The following CTPS2 variants were observed in gnomAD, a reference collection of about 807,000 sequenced individuals.
CTPS2 encodes the protein CTP synthase II.
CTPS2 carries 19 observed loss-of-function variants against 46.8 expected under a neutral mutation model. That is an observed-to-expected ratio of 0.41 (90% CI 0.28 to 0.60). CTPS2 has a LOEUF of 0.60. Ranked by LOEUF, CTPS2 falls within the 20% of genes least tolerant of loss-of-function variation. The pLI, the probability that CTPS2 is intolerant of heterozygous loss-of-function variation, is 0.35. For missense variants in CTPS2, 286 were observed against 447.6 expected (o/e 0.64, Z 3.26); for synonymous variants, 151 against 165.2 (o/e 0.91, Z 0.66).
intron 14 of CTPS2, among the ~76,000 whole-genome samples, chrX:16,621,146 C>T (rs1930805465): frequency 9.1e-6 from 1 of 109,964 alleles, no homozygotes; most frequent in Non-Finnish European, 1.9e-5. Flanking sequence ...GGCACTGCAG[C>T]TAAGCACAGC....
intron 13 of CTPS2, among the ~76,000 whole-genome samples, chrX:16,649,302 T>C (rs1035966118): frequency 8.9e-6 from 1 of 112,313 alleles, no homozygotes. Flanking sequence ...TACTCAATAT[T>C]GATTTGCCAA....
At chrX:16,671,187 T>C (rs1273302467) in intron 10 of CTPS2, among the ~76,000 whole-genome samples, 1 of 111,819 alleles carries the variant, frequency 8.9e-6, no homozygotes, top group Non-Finnish European at 1.9e-5. Context: ...AGGAGGATCA[T>C]GCTAACCTCA....
chrX:16,711,853 G>A (rs977996053), intron 1 of CTPS2: 3 of 111,160 alleles, frequency 2.7e-5, no homozygotes, highest in Non-Finnish European at 5.7e-5. Flanking sequence ...AAAACGCGGG[G>A]GTCGTTGTTT....
intron 9 of CTPS2, among the ~76,000 whole-genome samples, 199 bp downstream of exon 9, chrX:16,682,895 G>A (rs1203779832): frequency 8.9e-6 from 1 of 111,978 alleles, no homozygotes; most frequent in Non-Finnish European, 1.9e-5. Flanking sequence ...ACTTTTCCTT[G>A]GCTGATTTTG....
intron 2 of CTPS2, among the ~76,000 whole-genome samples, chrX:16,699,787 A>G (rs1924409263): frequency 8.9e-6 from 1 of 112,592 alleles, no homozygotes; most frequent in African/African-American, 3.2e-5. Context: ...GTCCACAGGA[A>G]AAAAGGTTGA....
At position 16,667,601 on chromosome X, in the gene CTPS2, A is replaced by T. The variant is rs759164852; in HGVS notation, c.1253-44T>A. On this transcript the variant is annotated intron_variant, in intron 12 of 18. Transcript: ENST00000359276. The stretch of plus-strand genomic sequence containing the variant: ...GTTCAGTAATTCACCAATAGTGCTG[A>T]AAAATATTTGAAGAGAGAAAATTTT... 5.8e-6 allele frequency: 7 copies of T among 1,203,365 alleles called. No homozygotes were observed. In the East Asian group the frequency reaches 2.1e-4, roughly 36 times the overall value.
In CTPS2 at chrX:16,693,440, C is replaced by T. The variant is rs776899092; in HGVS notation, c.486G>A (p.Ala162=). Residue 162 remains alanine, a synonymous_variant, in exon 5 of 19, where the codon GCG becomes GCA. Coordinates refer to ENST00000359276, the MANE Select transcript of CTPS2 (RefSeq NM_175859.3). ...GDIEGMPFVE[A]FRQFQFKAKR... is the part of the protein sequence containing the mutation. Reference sequence around the variant, plus strand: ...TCGCCTTAAACTGGAATTGTCTAAACGCCTCCACAAACGGCATTCCTTCGA... The same window carrying T: ...TCGCCTTAAACTGGAATTGTCTAAATGCCTCCACAAACGGCATTCCTTCGA... 1.1e-5 allele frequency: 13 copies of T among 1,210,283 alleles called. No individual in the cohort carries two copies. The highest frequency in any genetic ancestry group is 3.0e-5 in the East Asian group (1 of 33,864).
chrX:16,609,834 T>G (rs1325791902), intron 16 of CTPS2, 149 bp from the exon 17 acceptor site: 2 of 573,521 alleles, frequency 3.5e-6, no homozygotes, highest in African/African-American at 4.7e-5. Flanking sequence ...TCACTATCCA[T>G]CCATTCCTTC....
At chrX:16,649,122 T>C (rs182893274) in intron 13 of CTPS2, among the ~76,000 whole-genome samples, 1 of 112,578 alleles carries the variant, frequency 8.9e-6, no homozygotes, top group African/African-American at 3.2e-5. Flanking sequence ...TTTTAAATCA[T>C]GGCAGTTACA....
At chrX:16,600,847 A>G (rs751280131) in intron 17 of CTPS2, among the ~76,000 whole-genome samples, 1 of 112,486 alleles carries the variant, frequency 8.9e-6, no homozygotes, top group African/African-American at 3.2e-5. Flanking sequence ...ATTTCAGTTC[A>G]CTTTTGCTTG....
At chrX:16,699,655 G>T (rs1924399926) in intron 2 of CTPS2, among the ~76,000 whole-genome samples, 1 of 112,506 alleles carries the variant, frequency 8.9e-6, no homozygotes, top group East Asian at 2.8e-4. Context: ...TACTAGACAC[G>T]TCTGTAGATC....
intron 14 of CTPS2, among the ~76,000 whole-genome samples, chrX:16,628,866 C>T (rs1455580131): frequency 1.8e-5 from 2 of 111,832 alleles, no homozygotes; most frequent in Non-Finnish European, 3.8e-5. Flanking sequence ...GGTCACTAAC[C>T]GACGTTTGCC....
At chrX:16,705,425 C>T (rs1002779013) in intron 1 of CTPS2, among the ~76,000 whole-genome samples, 9 of 111,377 alleles carry the variant, frequency 8.1e-5, no homozygotes, top group East Asian at 2.8e-4. Flanking sequence ...TGTGGACTTG[C>T]GTGCCTTCAT....
chrX:16,691,529 G>A lies in CTPS2; in HGVS notation c.720+11C>T, dbSNP rs752102584. On this transcript the variant is annotated intron_variant, in intron 7 of 18. Transcript: ENST00000359276. ...CCTGCCAGACAATAAAATCTAAAGA[G>A]CAGCACCAACCTGTTCAGGGTTCAC... is the stretch of plus-strand genomic sequence containing the variant. 6.7e-6 allele frequency: 8 copies of A among 1,198,242 alleles called. No homozygotes were observed. Among genetic ancestry groups the A allele is most frequent in the Non-Finnish European group, 9.1e-6 (8 of 883,411 alleles).
At chrX:16,690,641 A>G (rs1923617914) in intron 7 of CTPS2, among the ~76,000 whole-genome samples, 1 of 111,778 alleles carries the variant, frequency 8.9e-6, no homozygotes, top group Non-Finnish European at 1.9e-5. Flanking sequence ...AGCACCATTT[A>G]TATCACTCTC....
chrX:16,639,773 A>G (rs971677255), intron 13 of CTPS2, among the ~76,000 whole-genome samples: 2 of 59,966 alleles, frequency 3.3e-5, no homozygotes, highest in Non-Finnish European at 6.9e-5. Flanking sequence ...AAGAAAAGGA[A>G]AAGAAAAGAA....
chrX:16,643,998 T>C (rs986126047), intron 13 of CTPS2, among the ~76,000 whole-genome samples: 1 of 111,795 alleles, frequency 8.9e-6, no homozygotes, highest in South Asian at 3.7e-4. Flanking sequence ...AAATAACCTA[T>C]ACATCATCAA....
intron 14 of CTPS2, among the ~76,000 whole-genome samples, chrX:16,632,444 C>T (rs760779218): frequency 9.4e-6 from 1 of 105,989 alleles, no homozygotes; most frequent in Admixed American, 1.0e-4. Flanking sequence ...TTTTTTGAGA[C>T]AGAGTCTTGC....
intron 8 of CTPS2, among the ~76,000 whole-genome samples, chrX:16,687,441 C>A (rs1923301305): frequency 1.1e-5 from 1 of 93,202 alleles, no homozygotes; most frequent in South Asian, 5.4e-4. Context: ...CACCACTGCA[C>A]TCCAGCCTGG....
Sources: gnomAD v4.1 joint callset for allele counts (sites outside exome capture counted in the v4.1 genomes callset) on GRCh38, gnomAD v4.1.1 for gene constraint, MANE v1.5 for transcripts, NCBI Gene and HGNC (gene_info 2026-07-23, HGNC 2026-07-21) for gene names.